Variants in PTCD3 observed in about 807,000 individuals in gnomAD.
PTCD3 encodes the protein small ribosomal subunit protein mS39.
Under a neutral mutation model 101.9 loss-of-function variants are expected in PTCD3, and 89 were observed. The ratio of observed to expected loss-of-function variants is 0.87; its 90% CI spans 0.74 to 1.04. PTCD3 has a LOEUF of 1.04. PTCD3 is among the 50% of genes least tolerant of loss of function. PTCD3 has a pLI of 0.00. For missense variants in PTCD3, 870 were observed against 828.2 expected, an observed-to-expected ratio of 1.05 and a Z score of -0.62; for synonymous variants, 296 against 278.5, an observed-to-expected ratio of 1.06 and a Z score of -0.63.
rs1674510211 is a variant in PTCD3, at chr2:86,132,420, T to C, written c.1369T>C (p.Tyr457His). 3.8e-6 allele frequency: 6 copies of C among 1,574,502 alleles called. No homozygotes were observed. Among genetic ancestry groups the C allele is most frequent in the Non-Finnish European group, 4.4e-6 (5 of 1,145,186 alleles). ...TGGACCTGATCAACATCGTAATTTC[T>C]ATTAGTAAGTGTGTTGGAAACATAT... ...FIGPDQHRNF[Y>H]YSKFFDLICL... is the part of the protein sequence containing the mutation. Residue 457 changes from tyrosine to histidine, a missense_variant, in exon 17 of 24, where the codon TAT becomes CAT. Tyr to His is a moderately conservative substitution (Grantham distance 83, BLOSUM62 2). Transcript: ENST00000254630.
At chr2:86,133,508 A>C (rs1046062957) in intron 19 of PTCD3, 72 bp downstream of exon 19, 2 of 1,388,890 alleles carry the variant, frequency 1.4e-6, no homozygotes, top group East Asian at 2.3e-5. Flanking sequence ...GAATGTGCTA[A>C]CATTACTGTT....
At chr2:86,131,678 C>T (rs1284343945) in intron 16 of PTCD3, among the ~76,000 whole-genome samples, 1 of 152,126 alleles carries the variant, frequency 6.6e-6, no homozygotes, top group East Asian at 1.9e-4. Flanking sequence ...TGTAATCATG[C>T]TTATCATAGG....
At chr2:86,131,020 G>T in intron 15 of PTCD3, 58 bp from the exon 16 acceptor site, 2 of 1,540,222 alleles carry the variant, frequency 1.3e-6, no homozygotes, top group South Asian at 2.4e-5. Flanking sequence ...TAATGTTACT[G>T]ACTTGAAAAT....
chr2:86,127,394 C>A, intron 13 of PTCD3, 89 bp downstream of exon 13: 4 of 1,399,740 alleles, frequency 2.9e-6, no homozygotes, highest in Non-Finnish European at 3.9e-6. Flanking sequence ...TTAAATTATT[C>A]TTGTGCTTAC....
intron 16 of PTCD3, 46 bp downstream of exon 16, chr2:86,131,152 A>T (rs1342249199): frequency 6.9e-7 from 1 of 1,441,318 alleles, no homozygotes; most frequent in Admixed American, 1.9e-5. Context: ...TCCTAAATTT[A>T]TCTGTAACTG....
At position 86,139,767 on chromosome 2, in the gene PTCD3, T is replaced by TTG. The variant is rs1441650116; in HGVS notation, c.*2209_*2210insGT. The TTG allele has an allele frequency of 6.6e-6, 1 of 151,830 alleles. No homozygotes were observed. Among genetic ancestry groups the TTG allele is most frequent in the Non-Finnish European group, 1.5e-5 (1 of 68,000 alleles). 9.4% of individuals were successfully genotyped at this position (151,830 alleles called of 1,614,324 possible). ...CAGTAGCCATGACTGCACCACTGCA[T>TTG]TCCAGCCTGGTTGACAGAGTGACCC... On this transcript the variant is annotated 3_prime_UTR_variant, in exon 24 of 24. Transcript: ENST00000254630.
Position 86,111,275 on chromosome 2 carries a change from G to T in PTCD3, c.240+117G>T, listed in dbSNP as rs1204803756. ...CGTCATTACTCAGAATTAAACTGTT[G>T]TGCGTCTAGAAAGTTTCTTTAAAAT... On this transcript the variant is annotated intron_variant, in intron 4 of 23. Coordinates refer to ENST00000254630, the MANE Select transcript of PTCD3 (RefSeq NM_017952.6). 6.0e-6 allele frequency: 6 copies of T among 997,226 alleles called. No individual in the cohort carries two copies. In the African/African-American group the frequency reaches 8.2e-5, roughly 14 times the overall value. The allele number at this position is 997,226 out of a possible 1,614,324, so 61.8% of individuals were successfully genotyped here.
chr2:86,134,895 A>G lies in PTCD3; in HGVS notation c.1686A>G (p.Gln562=), dbSNP rs759403009. 4 of 1,614,016 alleles carry G rather than the reference A, an allele frequency of 2.5e-6. No homozygotes were observed. The highest frequency in any genetic ancestry group is 3.3e-5 in the Admixed American group (2 of 60,002). Reference sequence around the variant, plus strand: ...ATATCAAATCTGCGTATGAAAGCCAACCCATCAGACAGACTGCTCAGGATT... The same window carrying G: ...ATATCAAATCTGCGTATGAAAGCCAGCCCATCAGACAGACTGCTCAGGATT... ...AADIKSAYES[Q]PIRQTAQDWP... Residue 562 remains glutamine, a synonymous_variant, in exon 21 of 24, where the codon CAA becomes CAG. Coordinates refer to ENST00000254630, the MANE Select transcript of PTCD3 (RefSeq NM_017952.6).
chr2:86,108,449 G>A (rs147041932), intron 2 of PTCD3, 47 bp downstream of exon 2: 24,460 of 1,590,430 alleles, frequency 0.015, 388 homozygotes, highest in South Asian at 0.061. Flanking sequence ...CAACACGTTG[G>A]ATTCCATTGT....
intron 19 of PTCD3, among the ~76,000 whole-genome samples, 165 bp downstream of exon 19, chr2:86,133,601 G>A (rs1170186137): frequency 6.6e-6 from 1 of 152,206 alleles, no homozygotes; most frequent in African/African-American, 2.4e-5. Context: ...TTGCATGTTG[G>A]CTATCAGGAG....
chr2:86,126,694 G>A (rs1473013910), intron 12 of PTCD3, among the ~76,000 whole-genome samples: 5 of 151,944 alleles, frequency 3.3e-5, no homozygotes, highest in African/African-American at 7.2e-5. Context: ...AAAATTAGCC[G>A]GGCATAGTGG....
intron 7 of PTCD3, among the ~76,000 whole-genome samples, chr2:86,119,796 A>G (rs543634987): frequency 1.3e-5 from 2 of 152,352 alleles, no homozygotes; most frequent in East Asian, 1.9e-4. Flanking sequence ...TTAGCATTCA[A>G]AAAGTTACTT....
chr2:86,112,355 CTTTTT>C (rs368645963), intron 4 of PTCD3, among the ~76,000 whole-genome samples: 1 of 138,842 alleles, frequency 7.2e-6, no homozygotes, highest in Non-Finnish European at 1.6e-5. Context: ...AGTGCCCGGC[CTTTTT>C]TTTTTTTTTT....
At position 86,125,820 on chromosome 2, in the gene PTCD3, G is replaced by T; in HGVS notation, c.891G>T (p.Leu297Phe). 2 of 1,609,044 alleles carry T rather than the reference G, an allele frequency of 1.2e-6. No individual in the cohort carries two copies. Among genetic ancestry groups the T allele is most frequent in the Non-Finnish European group, 1.7e-6 (2 of 1,175,550 alleles). ...CTGATGTATACACATTTAATGCATT[G>T]ATTGAAGCAACAGTATGTGCGATAA... ...LHADVYTFNA[L>F]IEATVCAINE... Residue 297 changes from leucine (L) to phenylalanine (F), a missense_variant, in exon 12 of 24, where the codon TTG (leucine) becomes TTT (phenylalanine). By Grantham distance (22) the Leu-to-Phe change is conservative. Transcript: ENST00000254630.
In PTCD3 at chr2:86,130,192, C is replaced by T. The variant is rs544784835; in HGVS notation, c.1148-456C>T. Among the ~76,000 whole-genome samples the T allele has an allele frequency of 4.6e-5, 7 of 152,046 alleles. No individual in the cohort carries two copies. The East Asian group carries it at 5.8e-4, about 13-fold the overall frequency. ...GGCGAGGGCGTTAGTCCCAGCTGCT[C>T]GGAAGGCTGAGGCAGGAGAATCGCT... On this transcript the variant is annotated intron_variant, in intron 14 of 23. Coordinates refer to ENST00000254630, the MANE Select transcript of PTCD3 (RefSeq NM_017952.6).
rs541195043 is a variant in PTCD3, at chr2:86,128,562, C to A, written c.1147+571C>A. 1.5e-3 allele frequency among the ~76,000 whole-genome samples: 225 copies of A among 152,218 alleles called. 1 individual carries two copies. The highest frequency in any genetic ancestry group is 4.9e-3 in the African/African-American group (202 of 41,528). On this transcript the variant is annotated intron_variant, in intron 14 of 23. Transcript: ENST00000254630. ...CAGTAGCCATGTGTCTAGTGGCTAC[C>A]ATGTGTCGTGATGCAGATTCAGAAC...
At chr2:86,137,215 CT>C (rs1674602832) in intron 23 of PTCD3, 75 bp downstream of exon 23, 48 of 1,449,200 alleles carry the variant, frequency 3.3e-5, no homozygotes, top group Non-Finnish European at 4.5e-5. Flanking sequence ...ATGTTCATAG[CT>C]TTCTATCCCT....
intron 14 of PTCD3, among the ~76,000 whole-genome samples, chr2:86,129,446 T>G (rs1052614691): frequency 4.6e-5 from 7 of 152,148 alleles, no homozygotes; most frequent in South Asian, 4.1e-4. Context: ...GCCCAGGAGT[T>G]TGAAACCAAC....
At chr2:86,107,170 C>T (rs1056103825) in intron 1 of PTCD3, 5 of 471,098 alleles carry the variant, frequency 1.1e-5, no homozygotes, top group African/African-American at 1.0e-4. Flanking sequence ...AACCTTTGTG[C>T]TGCCATTCAA....
Sources: gnomAD v4.1 joint callset for allele counts (sites outside exome capture counted in the v4.1 genomes callset) on GRCh38, gnomAD v4.1.1 for gene constraint, MANE v1.5 for transcripts, NCBI Gene and HGNC (gene_info 2026-07-23, HGNC 2026-07-21) for gene names.